PLOD2: variants seen among roughly 807,000 people sequenced by gnomAD.
PLOD2 encodes the protein procollagen-lysine,2-oxoglutarate 5-dioxygenase 2, also known as lysine hydroxylase 2.
Under a neutral mutation model 101.0 loss-of-function variants are expected in PLOD2, and 65 were observed. The observed-to-expected ratio is 0.64, with a 90% CI of 0.53 to 0.79. PLOD2 has a LOEUF of 0.79. Ranked by LOEUF, PLOD2 falls within the 30% of genes least tolerant of loss-of-function variation. The pLI, the probability that PLOD2 is intolerant of heterozygous loss-of-function variation, is 0.00. For synonymous variants in PLOD2, 314 were observed against 302.9 expected, an observed-to-expected ratio of 1.04 and a Z score of -0.38; for missense variants, 909 against 914.6, an observed-to-expected ratio of 0.99 and a Z score of 0.08.
At position 146,138,338 on chromosome 3, in the gene PLOD2, CA is replaced by C. The variant is rs5853266; in HGVS notation, c.110-14110del. Among the ~76,000 whole-genome samples, 379 of 145,300 alleles carry C rather than the reference CA, an allele frequency of 2.6e-3. 2 individuals are homozygous for C. The highest frequency in any genetic ancestry group is 9.0e-3 in the African/African-American group (352 of 39,236). On this transcript the variant is annotated intron_variant, in intron 1 of 19. Transcript: ENST00000282903. The stretch of plus-strand genomic sequence containing the variant: ...GAGTTTATATTCCAATACAGGGAAC[CA>C]AAAAAAAAAACAAACAAAAATTTGC...
intron 1 of PLOD2, among the ~76,000 whole-genome samples, chr3:146,155,195 T>C (rs1220478449): frequency 6.6e-6 from 1 of 151,766 alleles, no homozygotes; most frequent in African/African-American, 2.4e-5. Context: ...AACAACAGAG[T>C]TGCAGTCCCA....
chr3:146,104,698 T>C (rs1375082777), intron 5 of PLOD2, among the ~76,000 whole-genome samples: 1 of 152,204 alleles, frequency 6.6e-6, no homozygotes, highest in African/African-American at 2.4e-5. Flanking sequence ...TGCTTTACTG[T>C]ACTCCAGAGT....
intron 3 of PLOD2, among the ~76,000 whole-genome samples, chr3:146,112,211 C>A (rs970705205): frequency 1.3e-5 from 2 of 152,138 alleles, no homozygotes; most frequent in Non-Finnish European, 2.9e-5. Flanking sequence ...ATGTCTACTG[C>A]AGCATTATTT....
Position 146,070,130 on chromosome 3 carries a change from C to A in PLOD2, c.*587G>T, listed in dbSNP as rs886058062. 1 of 151,796 alleles carries A rather than the reference C, an allele frequency of 6.6e-6. No individual in the cohort carries two copies. The highest frequency in any genetic ancestry group is 2.4e-5 in the African/African-American group (1 of 41,378). 9.4% of individuals were successfully genotyped at this position (151,796 alleles called of 1,614,324 possible). A position where few individuals can be genotyped will look rare whatever the true frequency, so the allele number is the denominator to read the frequency against. ...AAACAAAAATGTTTTCAACTGTATA[C>A]GCTCCTCGGTTGTGTTTTGTACCAT... is the stretch of plus-strand genomic sequence containing the variant. On this transcript the variant is annotated 3_prime_UTR_variant, in exon 20 of 20. Transcript: ENST00000282903.
At chr3:146,077,969 T>G in intron 13 of PLOD2, 45 bp from the exon 14 acceptor site, 1 of 997,066 alleles carries the variant, frequency 1.0e-6, no homozygotes, top group African/African-American at 1.6e-5. Flanking sequence ...GTACACCCGC[T>G]CTCTCAGGTA....
At chr3:146,130,846 T>C (rs745661706) in intron 1 of PLOD2, among the ~76,000 whole-genome samples, 2 of 152,174 alleles carry the variant, frequency 1.3e-5, no homozygotes, top group African/African-American at 2.4e-5. Context: ...AACTTAAGAC[T>C]TCTATCCTTA....
At position 146,123,550 on chromosome 3, in the gene PLOD2, T is replaced by C. The variant is rs527344736; in HGVS notation, c.201+588A>G. 1.6e-4 allele frequency among the ~76,000 whole-genome samples: 24 copies of C among 152,046 alleles called. No individual in the cohort carries two copies. The South Asian group carries it at 5.0e-3, about 32-fold the overall frequency. The stretch of plus-strand genomic sequence containing the variant: ...AAAAAAGCAAAAACAAAAGCAATTC[T>C]CAATAATAGACAGAAAAGGCACCCT... On this transcript the variant is annotated intron_variant, in intron 2 of 19. Transcript: ENST00000282903.
intron 2 of PLOD2, chr3:146,123,364 C>T: frequency 1.4e-6 from 1 of 694,826 alleles, no homozygotes; most frequent in South Asian, 2.2e-5. Context: ...AATGGCAGGC[C>T]TCTCATAGCT....
chr3:146,076,959 G>T lies in PLOD2; in HGVS notation c.1564-64C>A, dbSNP rs950005358. On this transcript the variant is annotated intron_variant, in intron 14 of 19. Transcript: ENST00000282903. ...GGTACAAAAGTAAATTTAATCATAGGAAAAATATATAGAAGATATTAATTT... is the reference window on the plus strand; with the variant it reads ...GGTACAAAAGTAAATTTAATCATAGTAAAAATATATAGAAGATATTAATTT... 8.2e-6 allele frequency: 11 copies of T among 1,343,218 alleles called. No individual in the cohort carries two copies. In the African/African-American group the frequency reaches 9.2e-5, roughly 11 times the overall value. 83.2% of individuals were successfully genotyped at this position (1,343,218 alleles called of 1,614,324 possible). A position where few individuals can be genotyped will look rare whatever the true frequency, so the allele number is the denominator to read the frequency against.
At chr3:146,073,559 T>C (rs1936227051) in intron 15 of PLOD2, 1 of 277,634 alleles carries the variant, frequency 3.6e-6, no homozygotes, top group Non-Finnish European at 6.9e-6. Flanking sequence ...AAAATTTTTA[T>C]TTATGAAATA....
At position 146,091,818 on chromosome 3, in the gene PLOD2, G is replaced by A. The variant is rs573318217; in HGVS notation, c.861C>T (p.Val287=). ...NGCTLCEFDT[V]DLSAVDVHPN... Reference sequence around the variant, plus strand: ...CACTTACATCTACTGCAGACAAGTCGACTGTATCGAATTCACAAAGAGTGC... The same window carrying A: ...CACTTACATCTACTGCAGACAAGTCAACTGTATCGAATTCACAAAGAGTGC... The change falls in exon 8 of 20, where the codon GTC becomes GTT. Residue 287 remains valine (V), a synonymous_variant. Transcript: ENST00000282903. 1.5e-4 allele frequency: 232 copies of A among 1,589,520 alleles called. No homozygotes were observed. In the Admixed American group the frequency reaches 3.6e-3, roughly 24 times the overall value.
At chr3:146,077,215 T>G in intron 14 of PLOD2, 1 of 1,017,866 alleles carries the variant, frequency 9.8e-7, no homozygotes, top group Non-Finnish European at 1.2e-6. Flanking sequence ...AGAAATATTT[T>G]TGAGACACAG....
chr3:146,139,838 A>G (rs1301552532), intron 1 of PLOD2, among the ~76,000 whole-genome samples: 1 of 152,110 alleles, frequency 6.6e-6, no homozygotes, highest in Non-Finnish European at 1.5e-5. Context: ...GCTGGCAAAA[A>G]ATACTGTTGA....
rs1031598803 is a variant in PLOD2, at chr3:146,110,212, T to A, written c.502+73A>T. 4.7e-6 allele frequency: 6 copies of A among 1,263,660 alleles called. No homozygotes were observed. The Admixed American group carries it at 8.4e-5, about 18-fold the overall frequency. The allele number at this position is 1,263,660 out of a possible 1,614,324, so 78.3% of individuals were successfully genotyped here. A position where few individuals can be genotyped will look rare whatever the true frequency, so the allele number is the denominator to read the frequency against. ...TTTAAAACTTCATATCTAAAGTTAC[T>A]ACATCTACAAAAATGGTTGTTTCAT... On this transcript the variant is annotated intron_variant, in intron 4 of 19. Transcript: ENST00000282903.
At chr3:146,101,046 G>A (rs1937373085) in intron 7 of PLOD2, among the ~76,000 whole-genome samples, 2 of 152,138 alleles carry the variant, frequency 1.3e-5, no homozygotes, top group East Asian at 1.9e-4. Flanking sequence ...GAAGTGCCTA[G>A]AGCCAAAACA....
intron 3 of PLOD2, among the ~76,000 whole-genome samples, chr3:146,118,665 T>A (rs543112487): frequency 6.6e-6 from 1 of 152,160 alleles, no homozygotes; most frequent in South Asian, 2.1e-4. Context: ...GACAATTTGA[T>A]GTTATTATAA....
At chr3:146,145,008 A>G (rs1245754104) in intron 1 of PLOD2, among the ~76,000 whole-genome samples, 1 of 152,156 alleles carries the variant, frequency 6.6e-6, no homozygotes, top group Admixed American at 6.5e-5. Context: ...AAGTTATGCC[A>G]TCTTCATTAG....
chr3:146,099,018 C>T (rs1323525048), intron 7 of PLOD2, among the ~76,000 whole-genome samples: 2 of 151,956 alleles, frequency 1.3e-5, no homozygotes, highest in Non-Finnish European at 2.9e-5. Context: ...CAAATTTTCT[C>T]GAGTTTTTGT....
At chr3:146,094,267 C>T (rs1210862552) in intron 7 of PLOD2, among the ~76,000 whole-genome samples, 1 of 152,214 alleles carries the variant, frequency 6.6e-6, no homozygotes, top group Non-Finnish European at 1.5e-5. Flanking sequence ...TATTCAAGGT[C>T]ACAGTGACCC....
Sources: gnomAD v4.1 joint callset for allele counts (sites outside exome capture counted in the v4.1 genomes callset) on GRCh38, gnomAD v4.1.1 for gene constraint, MANE v1.5 for transcripts, NCBI Gene and HGNC (gene_info 2026-07-23, HGNC 2026-07-21) for gene names.